RAB10: variants seen among roughly 807,000 people sequenced by gnomAD.
The protein encoded by RAB10 is RAB10, member RAS oncogene family.
In RAB10, 5 loss-of-function variants were observed where a neutral mutation model predicts 25.7. The observed-to-expected ratio is 0.19, with a 90% CI of 0.10 to 0.41. The LOEUF is 0.41. Among genes scored for constraint, RAB10 ranks in the 10% least tolerant of loss-of-function variants. The probability of loss-of-function intolerance (pLI) is 1.00; values close to 1 mark genes in which losing one functional copy is unlikely to be tolerated. For synonymous variants in RAB10, 89 were observed against 86.4 expected, an observed-to-expected ratio of 1.03 and a Z score of -0.16; for missense variants, 103 against 245.8, an observed-to-expected ratio of 0.42 and a Z score of 3.89.
chr2:26,086,038 G>A (rs1203919641), intron 1 of RAB10, among the ~76,000 whole-genome samples: 2 of 139,172 alleles, frequency 1.4e-5, no homozygotes, highest in African/African-American at 2.7e-5. Context: ...AAAGGGGCCC[G>A]ATGCGGTAGC....
intron 1 of RAB10, among the ~76,000 whole-genome samples, chr2:26,040,248 C>T (rs1190360225): frequency 6.6e-6 from 1 of 152,194 alleles, no homozygotes; most frequent in African/African-American, 2.4e-5. Context: ...AACTCCTGGG[C>T]TTAAGCAATC....
At chr2:26,052,441 C>G (rs1380376407) in intron 1 of RAB10, among the ~76,000 whole-genome samples, 2 of 148,458 alleles carry the variant, frequency 1.3e-5, no homozygotes, top group East Asian at 3.9e-4. Context: ...CTGGTGGGCT[C>G]TGCTACAAGA....
At chr2:26,117,415 C>A (rs551356753) in intron 3 of RAB10, among the ~76,000 whole-genome samples, 1 of 152,074 alleles carries the variant, frequency 6.6e-6, no homozygotes, top group Non-Finnish European at 1.5e-5. Flanking sequence ...AGATTGAGAC[C>A]ATCCTGGCTA....
chr2:26,114,588 T>C (rs868306648), intron 3 of RAB10, among the ~76,000 whole-genome samples: 36 of 151,984 alleles, frequency 2.4e-4, no homozygotes, highest in African/African-American at 8.5e-4. Context: ...ACAGAAAAGT[T>C]AACTCAAAAT....
chr2:26,113,841 C>G (rs1265167768), intron 3 of RAB10, among the ~76,000 whole-genome samples: 1 of 150,792 alleles, frequency 6.6e-6, no homozygotes, highest in African/African-American at 2.4e-5. Flanking sequence ...TCCTTAAGAA[C>G]CCACAAACAT....
chr2:26,046,217 C>T (rs975745634), intron 1 of RAB10, among the ~76,000 whole-genome samples: 9 of 151,570 alleles, frequency 5.9e-5, no homozygotes, highest in Non-Finnish European at 8.8e-5. Flanking sequence ...CCCAGCTACT[C>T]GGGAGGCTGA....
At chr2:26,077,331 G>A (rs1666760405) in intron 1 of RAB10, among the ~76,000 whole-genome samples, 1 of 152,154 alleles carries the variant, frequency 6.6e-6, no homozygotes, top group South Asian at 2.1e-4. Context: ...CATCTTTTGT[G>A]CATAGAGAAA....
intron 3 of RAB10, among the ~76,000 whole-genome samples, chr2:26,126,315 T>G (rs1203128051): frequency 6.6e-6 from 1 of 152,178 alleles, no homozygotes; most frequent in Non-Finnish European, 1.5e-5. Context: ...CAGTGGCTCA[T>G]GCCTGTAATC....
intron 5 of RAB10, among the ~76,000 whole-genome samples, chr2:26,131,245 A>C (rs1668007624): frequency 1.3e-5 from 2 of 152,152 alleles, no homozygotes; most frequent in South Asian, 4.1e-4. Context: ...CATATAAAAT[A>C]CACTAATACT....
intron 1 of RAB10, among the ~76,000 whole-genome samples, chr2:26,049,072 A>G (rs1213484305): frequency 6.6e-6 from 1 of 152,060 alleles, no homozygotes; most frequent in African/African-American, 2.4e-5. Flanking sequence ...AACTCTGTCC[A>G]TCATAGATCC....
intron 1 of RAB10, among the ~76,000 whole-genome samples, chr2:26,055,725 G>A (rs528068770): frequency 6.6e-5 from 10 of 151,858 alleles, no homozygotes; most frequent in African/African-American, 2.2e-4. Context: ...GGGTTTTGCA[G>A]TGTTGGCCAG....
Position 26,109,765 on chromosome 2 carries a change from C to A in RAB10, c.189-3C>A. 6.4e-7 allele frequency: 1 copy of A among 1,554,864 alleles called. No individual in the cohort carries two copies. The highest frequency in any genetic ancestry group is 1.3e-5 in the South Asian group (1 of 79,752). ...AATAGAAATTATTGGCTGTTTATTT[C>A]AGGGATACAGCAGGCCAGGAGCGAT... On this transcript the variant is annotated splice_region_variant and splice_polypyrimidine_tract_variant and intron_variant, in intron 2 of 5. Coordinates refer to ENST00000264710, the MANE Select transcript of RAB10 (RefSeq NM_016131.5).
intron 1 of RAB10, among the ~76,000 whole-genome samples, chr2:26,090,511 T>TA (rs914823199): frequency 6.6e-6 from 1 of 150,522 alleles, no homozygotes; most frequent in African/African-American, 2.4e-5. Context: ...CCTTTTTTTT[T>TA]TATTATTTTC....
At chr2:26,119,793 A>G (rs1409092755) in intron 3 of RAB10, among the ~76,000 whole-genome samples, 31 of 152,214 alleles carry the variant, frequency 2.0e-4, no homozygotes, top group Admixed American at 2.0e-3. Context: ...TGTTGGGATT[A>G]TACACATGAG....
chr2:26,036,534 CTGT>C (rs1665768437), intron 1 of RAB10, among the ~76,000 whole-genome samples: 1 of 151,908 alleles, frequency 6.6e-6, no homozygotes, highest in Non-Finnish European at 1.5e-5. Context: ...TGGCAGGCAC[CTGT>C]AGTCCCAGCT....
chr2:26,110,850 T>A (rs974306673), intron 3 of RAB10, among the ~76,000 whole-genome samples: 4 of 133,432 alleles, frequency 3.0e-5, no homozygotes, highest in Admixed American at 1.6e-4. Flanking sequence ...GAATTACAGG[T>A]GTGCACCACC....
At chr2:26,034,794 C>G in intron 1 of RAB10, 59 bp downstream of exon 1, 2 of 1,594,046 alleles carry the variant, frequency 1.3e-6, no homozygotes, top group Non-Finnish European at 1.7e-6. Context: ...TTATTTTACT[C>G]CAGACATCTT....
chr2:26,099,642 G>A (rs1173387003), intron 2 of RAB10, among the ~76,000 whole-genome samples: 1 of 138,136 alleles, frequency 7.2e-6, no homozygotes, highest in South Asian at 2.4e-4. Flanking sequence ...CCAGGTTCAC[G>A]GCATTCTCCT....
chr2:26,035,315 T>C (rs760107974), intron 1 of RAB10, among the ~76,000 whole-genome samples: 1 of 152,208 alleles, frequency 6.6e-6, no homozygotes, highest in Non-Finnish European at 1.5e-5. Context: ...CATATTTGCC[T>C]CAGTGCTTTT....
Sources: gnomAD v4.1 joint callset for allele counts (sites outside exome capture counted in the v4.1 genomes callset) on GRCh38, gnomAD v4.1.1 for gene constraint, MANE v1.5 for transcripts, NCBI Gene and HGNC (gene_info 2026-07-23, HGNC 2026-07-21) for gene names.